Variants in GALK2 observed in about 807,000 individuals in gnomAD.
GALK2 encodes the protein N-acetylgalactosamine kinase.
GALK2 carries 36 observed loss-of-function variants against 52.4 expected under a neutral mutation model. The ratio of observed to expected loss-of-function variants is 0.69; its 90% CI spans 0.53 to 0.91. The LOEUF (loss-of-function observed/expected upper bound fraction) is 0.91. Ranked by LOEUF, GALK2 falls within the 40% of genes least tolerant of loss-of-function variation. GALK2 has a pLI of 0.00. For missense variants in GALK2, 579 were observed against 559.1 expected, an observed-to-expected ratio of 1.04 and a Z score of -0.36; for synonymous variants, 176 against 199.1, an observed-to-expected ratio of 0.88 and a Z score of 0.98.
rs768167821 is a variant in GALK2, at chr15:49,328,187, A to G, written c.*28A>G. ...AAATGTAAAAAGTCTGAGAGAAACT[A>G]CTTAGGGCACTTAGGAATTGGCAGG... On this transcript the variant is annotated 3_prime_UTR_variant, in exon 10 of 10. Transcript: ENST00000560031. 7.0e-6 allele frequency: 11 copies of G among 1,582,632 alleles called. No individual in the cohort carries two copies. In the East Asian group the frequency reaches 2.1e-4, roughly 30 times the overall value.
chr15:49,343,885 G>T (rs1214860153), intron 3 of GALK2: 1 of 152,124 alleles, frequency 6.6e-6, no homozygotes, highest in South Asian at 2.1e-4. Context: ...GTGTCCATAT[G>T]AACTACAGTT....
chr15:49,358,454 G>C (rs1163622660), intron 3 of GALK2, among the ~76,000 whole-genome samples: 1 of 139,570 alleles, frequency 7.2e-6, no homozygotes, highest in Non-Finnish European at 1.6e-5. Flanking sequence ...CAGACAAACA[G>C]AGAGCCAAAT....
At chr15:49,262,018 T>A (rs1480297872) in intron 5 of GALK2, among the ~76,000 whole-genome samples, 1 of 152,180 alleles carries the variant, frequency 6.6e-6, no homozygotes. Context: ...AGGATATTGG[T>A]CTAAAATTCT....
chr15:49,365,887 G>T (rs2045085867), intron 3 of GALK2: 3 of 963,080 alleles, frequency 3.1e-6, no homozygotes, highest in Non-Finnish European at 3.4e-6. Flanking sequence ...ATGAATTAGT[G>T]CAGCAAGAGA....
intron 3 of GALK2, 141 bp downstream of exon 3, chr15:49,217,454 A>G (rs1595709181): frequency 1.2e-6 from 1 of 801,274 alleles, no homozygotes; most frequent in Non-Finnish European, 2.0e-6. Context: ...TTCTAAGGCC[A>G]TTATTTATTG....
At position 49,350,804 on chromosome 15, in the gene GALK2, A is replaced by T. The variant is rs115379735; in HGVS notation, c.427-16687A>T. ...TCCTTTCCTAACAGTGCTCTCTAAG[A>T]TATGCGAGCCAAAGACAAAGTGAGC... On this transcript the variant is annotated intron_variant, in intron 3 of 3. Transcript: ENST00000558399. Among the ~76,000 whole-genome samples, 304 of 152,284 alleles carry T rather than the reference A, an allele frequency of 2.0e-3. 3 individuals carry two copies. The highest frequency in any genetic ancestry group is 7.0e-3 in the African/African-American group (292 of 41,564).
intron 3 of GALK2, chr15:49,365,938 A>T (rs1254495706): frequency 2.7e-5 from 26 of 949,462 alleles, no homozygotes; most frequent in Non-Finnish European, 4.5e-5. Flanking sequence ...GAAAATTGCT[A>T]TCATAACATA....
At chr15:49,211,578 G>A in intron 2 of GALK2, among the ~76,000 whole-genome samples, 1 of 152,158 alleles carries the variant, frequency 6.6e-6, no homozygotes, top group Non-Finnish European at 1.5e-5. Context: ...AAGTATCTGA[G>A]ACTGGATAAT....
intron 3 of GALK2, chr15:49,343,714 A>G (rs537949938): frequency 6.6e-6 from 1 of 152,268 alleles, no homozygotes; most frequent in East Asian, 1.9e-4. Context: ...TGAATGGCCA[A>G]TTTATCCACT....
At chr15:49,175,497 T>G (rs1347982348) in intron 1 of GALK2, among the ~76,000 whole-genome samples, 1 of 152,176 alleles carries the variant, frequency 6.6e-6, no homozygotes, top group Non-Finnish European at 1.5e-5. Flanking sequence ...GACATCTACT[T>G]AAGTTTCTCA....
At chr15:49,270,049 G>C (rs1236068934) in intron 5 of GALK2, among the ~76,000 whole-genome samples, 1 of 152,092 alleles carries the variant, frequency 6.6e-6, no homozygotes, top group Non-Finnish European at 1.5e-5. Flanking sequence ...ATGTACTCTT[G>C]TTTATCATCG....
chr15:49,236,059 C>T, intron 4 of GALK2, 118 bp downstream of exon 4: 1 of 684,986 alleles, frequency 1.5e-6, no homozygotes, highest in Non-Finnish European at 2.5e-6. Context: ...TGCTTCTGTT[C>T]TATTTTGCTA....
At chr15:49,258,898 A>G (rs1462570438) in intron 5 of GALK2, among the ~76,000 whole-genome samples, 2 of 150,784 alleles carry the variant, frequency 1.3e-5, no homozygotes, top group Non-Finnish European at 2.9e-5. Flanking sequence ...TCTGATGGCC[A>G]GTGATGGTGA....
chr15:49,270,988 C>T (rs1351750400), intron 5 of GALK2, among the ~76,000 whole-genome samples: 2 of 152,120 alleles, frequency 1.3e-5, no homozygotes, highest in African/African-American at 4.8e-5. Flanking sequence ...ATAAGGAACC[C>T]TTCCTCCAGG....
intron 3 of GALK2, among the ~76,000 whole-genome samples, chr15:49,340,845 A>C (rs749932270): frequency 3.3e-5 from 5 of 152,206 alleles, no homozygotes; most frequent in African/African-American, 7.2e-5. Context: ...CTCAATGCCA[A>C]TGTACAGAAT....
At chr15:49,255,623 G>A in intron 5 of GALK2, among the ~76,000 whole-genome samples, 1 of 105,576 alleles carries the variant, frequency 9.5e-6, no homozygotes, top group Non-Finnish European at 2.3e-5. Context: ...TTCTCCAATT[G>A]TACTTAACAT....
At chr15:49,319,230 G>A (rs183994586) in intron 8 of GALK2, 40 of 350,970 alleles carry the variant, frequency 1.1e-4, no homozygotes, top group African/African-American at 6.7e-4. Flanking sequence ...CTGGGATTAC[G>A]GATGTGAGCT....
chr15:49,335,355 C>A, downstream of GALK2: 2 of 1,067,792 alleles, frequency 1.9e-6, no homozygotes, highest in South Asian at 1.3e-5. Context: ...GATGATTTCT[C>A]TGATTGTTTC....
At chr15:49,261,380 G>T (rs1251167202) in intron 5 of GALK2, among the ~76,000 whole-genome samples, 1 of 147,042 alleles carries the variant, frequency 6.8e-6, no homozygotes, top group Non-Finnish European at 1.5e-5. Context: ...TCTGTTATTG[G>T]TGTATAAGAA....
Sources: allele counts gnomAD v4.1 joint callset (sites outside exome capture counted in the v4.1 genomes callset), GRCh38; gene constraint gnomAD v4.1.1; transcripts MANE v1.5; gene names NCBI Gene and HGNC (gene_info 2026-07-23, HGNC 2026-07-21).